The following ANKHD1 variants were observed in gnomAD, a reference collection of about 807,000 sequenced individuals.
ANKHD1 encodes the protein ankyrin repeat and KH domain-containing protein 1.
Under a neutral mutation model 230.5 loss-of-function variants are expected in ANKHD1, and 31 were observed. The ratio of observed to expected loss-of-function variants is 0.13; its 90% CI spans 0.10 to 0.18. The LOEUF is 0.18. Among genes scored for constraint, ANKHD1 ranks in the 10% least tolerant of loss-of-function variants. ANKHD1 has a pLI of 1.00. For synonymous variants in ANKHD1, 1,074 were observed against 1,117.6 expected (o/e 0.96, Z 0.78); for missense variants, 2,256 against 3,071.3 (o/e 0.73, Z 6.27).
intron 24 of ANKHD1, among the ~76,000 whole-genome samples, chr5:140,520,194 G>A (rs1168567043): frequency 2.0e-5 from 3 of 152,142 alleles, no homozygotes; most frequent in Non-Finnish European, 2.9e-5. Context: ...CTCATCACTG[G>A]CCATCAGAGA....
At chr5:140,469,238 C>T (rs1432502196) in intron 10 of ANKHD1, among the ~76,000 whole-genome samples, 2 of 150,634 alleles carry the variant, frequency 1.3e-5, no homozygotes, top group East Asian at 3.9e-4. Flanking sequence ...CACAGTAGCT[C>T]AAGTCTTTAA....
At chr5:140,488,633 C>T (rs1751617576) in intron 14 of ANKHD1, among the ~76,000 whole-genome samples, 1 of 151,698 alleles carries the variant, frequency 6.6e-6, no homozygotes, top group Admixed American at 6.6e-5. Context: ...CGTGTGGTGG[C>T]TCACGCTTGT....
At chr5:140,448,073 T>C (rs1774430449) in intron 6 of ANKHD1, among the ~76,000 whole-genome samples, 1 of 152,132 alleles carries the variant, frequency 6.6e-6, no homozygotes, top group Non-Finnish European at 1.5e-5. Flanking sequence ...TCTTGAGGCC[T>C]AGATCAGTCC....
At chr5:140,439,331 G>T (rs1773677497) in intron 3 of ANKHD1, among the ~76,000 whole-genome samples, 1 of 151,956 alleles carries the variant, frequency 6.6e-6, no homozygotes, top group South Asian at 2.1e-4. Context: ...TGGGTTCCCT[G>T]GTCTACATTG....
intron 1 of ANKHD1, among the ~76,000 whole-genome samples, chr5:140,419,742 CTT>C (rs1171457110): frequency 6.6e-6 from 1 of 151,324 alleles, no homozygotes; most frequent in Non-Finnish European, 1.5e-5. Flanking sequence ...TTCTCTCTCT[CTT>C]TCTTTTCTTT....
chr5:140,443,709 A>G (rs1774051378), intron 5 of ANKHD1, among the ~76,000 whole-genome samples: 1 of 152,132 alleles, frequency 6.6e-6, no homozygotes, highest in South Asian at 2.1e-4. Flanking sequence ...AAAATACTCA[A>G]AAAAGAGGGT....
rs778231044 is a variant in ANKHD1, at chr5:140,445,764, A to G, written c.936A>G (p.Ala312=). The change falls in exon 6 of 34, where the codon GCA becomes GCG. Residue 312 remains alanine (A), a synonymous_variant. Transcript: ENST00000360839. ...SATGNTALTY[A]CAGGFVDIVK... ...TAGGAAACACTGCGCTAACTTATGC[A>G]TGTGCTGGAGGATTTGTTGACATTG... 1.9e-6 allele frequency: 3 copies of G among 1,604,188 alleles called. No individual in the cohort carries two copies. The highest frequency in any genetic ancestry group is 1.7e-5 in the Admixed American group (1 of 59,446).
chr5:140,443,453 G>T (rs1774026025), intron 5 of ANKHD1, among the ~76,000 whole-genome samples: 1 of 151,856 alleles, frequency 6.6e-6, no homozygotes, highest in Non-Finnish European at 1.5e-5. Flanking sequence ...CACTTTGGGA[G>T]GCTGAGGTGG....
intron 1 of ANKHD1, among the ~76,000 whole-genome samples, chr5:140,402,569 G>T (rs1048002092): frequency 1.1e-4 from 17 of 152,200 alleles, no homozygotes; most frequent in African/African-American, 3.9e-4. Flanking sequence ...CTGCTTTGGA[G>T]TTGGGGGTGG....
At chr5:140,473,938 C>CT (rs1015431965) in intron 10 of ANKHD1, among the ~76,000 whole-genome samples, 3 of 152,162 alleles carry the variant, frequency 2.0e-5, no homozygotes, top group African/African-American at 7.2e-5. Context: ...AATAGGGGGT[C>CT]TGCATTTGAA....
At chr5:140,448,117 T>G (rs1268170865) in intron 6 of ANKHD1, among the ~76,000 whole-genome samples, 1 of 152,196 alleles carries the variant, frequency 6.6e-6, no homozygotes, top group African/African-American at 2.4e-5. Flanking sequence ...GACGGATCCC[T>G]TGAGCCTTGG....
intron 1 of ANKHD1, among the ~76,000 whole-genome samples, chr5:140,423,924 C>T (rs1029300271): frequency 6.6e-6 from 1 of 152,084 alleles, no homozygotes; most frequent in Non-Finnish European, 1.5e-5. Flanking sequence ...CATTTGGCCC[C>T]CTCTTCCATT....
intron 1 of ANKHD1, among the ~76,000 whole-genome samples, chr5:140,407,381 G>A (rs1770555907): frequency 6.6e-6 from 1 of 151,506 alleles, no homozygotes; most frequent in African/African-American, 2.4e-5. Context: ...ACAGGTGTGA[G>A]CCACCACACC....
chr5:140,539,434 C>T lies in ANKHD1; in HGVS notation c.*16C>T, dbSNP rs760489796. 1 of 1,610,000 alleles carries T rather than the reference C, an allele frequency of 6.2e-7. No individual in the cohort carries two copies. The highest frequency in any genetic ancestry group is 8.5e-7 in the Non-Finnish European group (1 of 1,178,180). ...TGTCAACTAAGTTAGAAGGTCTTTACTCTTTAGCCTTGTTTAAGAAACCTA... is the reference window on the plus strand; with the variant it reads ...TGTCAACTAAGTTAGAAGGTCTTTATTCTTTAGCCTTGTTTAAGAAACCTA... On this transcript the variant is annotated 3_prime_UTR_variant, in exon 34 of 34. Coordinates refer to ENST00000360839, the MANE Select transcript of ANKHD1 (RefSeq NM_017747.3).
chr5:140,440,906 G>A, intron 4 of ANKHD1, 89 bp from the exon 5 acceptor site: 1 of 1,345,738 alleles, frequency 7.4e-7, no homozygotes, highest in Non-Finnish European at 9.6e-7. Flanking sequence ...TATTCTAGAA[G>A]AATATCTTCA....
intron 3 of ANKHD1, among the ~76,000 whole-genome samples, chr5:140,439,692 C>T (rs968399571): frequency 2.0e-5 from 3 of 150,826 alleles, no homozygotes; most frequent in Admixed American, 2.0e-4. Context: ...AAACAAAATA[C>T]AAACACTAAT....
chr5:140,406,287 A>G (rs187916331), intron 1 of ANKHD1, among the ~76,000 whole-genome samples: 3 of 152,208 alleles, frequency 2.0e-5, no homozygotes, highest in African/African-American at 7.2e-5. Context: ...TAGACATCCA[A>G]AAAGATGATG....
chr5:140,418,755 G>A (rs567907394), intron 1 of ANKHD1, among the ~76,000 whole-genome samples: 1 of 152,062 alleles, frequency 6.6e-6, no homozygotes, highest in African/African-American at 2.4e-5. Context: ...TTTTGAGTCC[G>A]AGTCTTGCTC....
intron 14 of ANKHD1, among the ~76,000 whole-genome samples, chr5:140,490,221 C>T (rs963740469): frequency 6.6e-6 from 1 of 152,112 alleles, no homozygotes; most frequent in African/African-American, 2.4e-5. Context: ...CTCTCTTTTC[C>T]TCTTCCAGCG....
Sources: gnomAD v4.1 joint callset for allele counts (sites outside exome capture counted in the v4.1 genomes callset) on GRCh38, gnomAD v4.1.1 for gene constraint, MANE v1.5 for transcripts, NCBI Gene and HGNC (gene_info 2026-07-23, HGNC 2026-07-21) for gene names.